MFSD11: variants seen among roughly 807,000 people sequenced by gnomAD.
MFSD11 encodes the protein major facilitator superfamily domain containing 11.
A neutral mutation model predicts 53.5 loss-of-function variants in MFSD11; 36 were observed. The ratio of observed to expected loss-of-function variants is 0.67; its 90% confidence interval spans 0.52 to 0.89. The LOEUF (loss-of-function observed/expected upper bound fraction) is 0.89. Among genes scored for constraint, MFSD11 ranks in the 40% least tolerant of loss-of-function variants. MFSD11 has a pLI of 0.00. For missense variants in MFSD11, 530 were observed against 543.9 expected (o/e 0.97, Z 0.25); for synonymous variants, 186 against 184.9 (o/e 1.01, Z -0.05).
chr17:76,748,060 AAGTG>A (rs1407342829), intron 7 of MFSD11: 1 of 136,416 alleles, frequency 7.3e-6, no homozygotes, highest in Non-Finnish European at 1.6e-5. Context: ...GAAAATAGCA[AAGTG>A]AGTGTTAGGA....
downstream of MFSD11, among the ~76,000 whole-genome samples, chr17:76,783,931 T>G (rs2082231527): frequency 6.6e-6 from 1 of 150,600 alleles, no homozygotes; most frequent in Admixed American, 6.6e-5. Context: ...TTTTGGATCT[T>G]CACACCCATT....
chr17:76,742,386 C>G, intron 5 of MFSD11, 113 bp downstream of exon 5: 1 of 839,358 alleles, frequency 1.2e-6, no homozygotes, highest in Non-Finnish European at 1.9e-6. Flanking sequence ...GACTTAAGTT[C>G]TAGCTAAATG....
intron 7 of MFSD11, among the ~76,000 whole-genome samples, chr17:76,750,676 C>T (rs1294272419): frequency 6.6e-6 from 1 of 151,860 alleles, no homozygotes; most frequent in East Asian, 1.9e-4. Flanking sequence ...AATTTTTTAA[C>T]TTAATTGGAT....
At chr17:76,751,003 G>T (rs1297390191) in intron 7 of MFSD11, among the ~76,000 whole-genome samples, 1 of 151,478 alleles carries the variant, frequency 6.6e-6, no homozygotes, top group Non-Finnish European at 1.5e-5. Flanking sequence ...GTTTCACCAT[G>T]TTGGCCAGGC....
downstream of MFSD11, among the ~76,000 whole-genome samples, chr17:76,783,551 G>A (rs1329761894): frequency 1.3e-5 from 2 of 151,996 alleles, no homozygotes; most frequent in Non-Finnish European, 2.9e-5. Context: ...CTTATAGTAA[G>A]TCCCTTGGGG....
chr17:76,738,556 AT>A, intron 1 of MFSD11, 108 bp downstream of exon 1: 3 of 775,254 alleles, frequency 3.9e-6, no homozygotes, highest in Non-Finnish European at 4.2e-6. Flanking sequence ...TGCATCTTTC[AT>A]TTTTCCCACC....
At chr17:76,747,398 A>G (rs1483655887) in intron 7 of MFSD11, among the ~76,000 whole-genome samples, 2 of 151,256 alleles carry the variant, frequency 1.3e-5, no homozygotes, top group African/African-American at 4.9e-5. Context: ...GCAATGGCGT[A>G]GTCTTGGCTC....
chr17:76,754,047 G>A lies in MFSD11; in HGVS notation c.642G>A (p.Glu214=). The A allele has an allele frequency of 6.2e-7, 1 of 1,610,870 alleles. No individual in the cohort carries two copies. Among genetic ancestry groups the A allele is most frequent in the Non-Finnish European group, 8.5e-7 (1 of 1,178,074 alleles). Residue 214 remains glutamate (E), a splice_region_variant and synonymous_variant, in exon 8 of 13, where the codon GAG becomes GAA. Coordinates refer to ENST00000685175, the MANE Select transcript of MFSD11 (RefSeq NM_001242532.5). ...TATTTTTTACATTTTATTTTCTCAG[G>A]TCTGCCCAGAACAATCTGACAAAGG... ...SSDDQDMEVN[E]SAQNNLTKAV... is the part of the protein sequence containing the mutation.
rs36069386 is a variant in MFSD11 at position 76,749,531 on chromosome 17, C to CAA, written c.642-4506_642-4505dup. ...TGGGTGACAGGGAGAGAGCCTGTCT[C>CAA]AAAAAAAAAAAGAAGAAGAAGGAAC... On this transcript the variant is annotated intron_variant, in intron 7 of 12. Coordinates refer to ENST00000685175, the MANE Select transcript of MFSD11 (RefSeq NM_001242532.5). 3.8e-3 allele frequency among the ~76,000 whole-genome samples: 547 copies of CAA among 144,034 alleles called. 9 individuals carry two copies. In the East Asian group the frequency reaches 0.05, roughly 13 times the overall value. The allele number at this position is 144,034 out of a possible 152,430, so 94.5% of individuals were successfully genotyped here. A position where few individuals can be genotyped will look rare whatever the true frequency, so the allele number is the denominator to read the frequency against.
At chr17:76,763,691 C>A (rs1216225777) in intron 8 of MFSD11, among the ~76,000 whole-genome samples, 1 of 151,912 alleles carries the variant, frequency 6.6e-6, no homozygotes, top group Non-Finnish European at 1.5e-5. Context: ...CATTTTGTTT[C>A]AGCAAACGCT....
At chr17:76,800,122 A>T in the MFSD11 span, among the ~76,000 whole-genome samples, 1 of 107,504 alleles carries the variant, frequency 9.3e-6, no homozygotes, top group Admixed American at 9.0e-5. Context: ...CTCCCAGCTA[A>T]TTTTTGTATT....
intron 8 of MFSD11, among the ~76,000 whole-genome samples, chr17:76,757,335 A>G (rs2144554741): frequency 6.6e-6 from 1 of 152,330 alleles, no homozygotes. Context: ...GGGAGAAGGT[A>G]TGGCACGTAG....
intron 10 of MFSD11, among the ~76,000 whole-genome samples, chr17:76,773,971 G>A (rs1044334775): frequency 6.6e-6 from 1 of 151,710 alleles, no homozygotes; most frequent in African/African-American, 2.4e-5. Flanking sequence ...TGTCACCCGT[G>A]CTGGAGTGCA....
At chr17:76,782,692 C>T (rs1449110652), downstream of MFSD11, among the ~76,000 whole-genome samples, 4 of 150,808 alleles carry the variant, frequency 2.7e-5, no homozygotes, top group African/African-American at 9.7e-5. Flanking sequence ...GTTGGCCAGG[C>T]TGGTCTCGAA....
intron 8 of MFSD11, among the ~76,000 whole-genome samples, chr17:76,757,286 T>C (rs1033442785): frequency 2.0e-5 from 3 of 152,176 alleles, no homozygotes; most frequent in Non-Finnish European, 4.4e-5. Flanking sequence ...CTTGATAGGA[T>C]TGATTTATCA....
the MFSD11 span, among the ~76,000 whole-genome samples, chr17:76,791,660 C>G: frequency 6.7e-6 from 1 of 148,780 alleles, no homozygotes; most frequent in Admixed American, 6.7e-5. Context: ...TGGCTGCCCC[C>G]CAAGCTGTAC....
intron 10 of MFSD11, among the ~76,000 whole-genome samples, chr17:76,771,252 G>A (rs939255539): frequency 1.3e-5 from 2 of 152,208 alleles, no homozygotes; most frequent in Non-Finnish European, 2.9e-5. Context: ...GTTGAAAGTG[G>A]CTCTTTCTGA....
intron 7 of MFSD11, among the ~76,000 whole-genome samples, chr17:76,750,364 ATTTTTTTTT>A (rs1256470874): frequency 8.1e-6 from 1 of 123,666 alleles, no homozygotes; most frequent in East Asian, 2.2e-4. Flanking sequence ...TGTGTTAGTA[ATTTTTTTTT>A]TTTTTTTTTT....
chr17:76,741,573 C>G (rs2144106493), intron 3 of MFSD11, among the ~76,000 whole-genome samples: 1 of 152,094 alleles, frequency 6.6e-6, no homozygotes. Context: ...TCACTTGGGT[C>G]CAGGAGTTCG....
Sources: gnomAD v4.1 joint callset for allele counts (sites outside exome capture counted in the v4.1 genomes callset) on GRCh38, gnomAD v4.1.1 for gene constraint, MANE v1.5 for transcripts, NCBI Gene and HGNC (gene_info 2026-07-23, HGNC 2026-07-21) for gene names.